ZNF267: variants seen among roughly 807,000 people sequenced by gnomAD.
ZNF267 encodes the protein zinc finger protein 267.
In ZNF267, 61 loss-of-function variants were observed where a neutral mutation model predicts 71.6. The ratio of observed to expected loss-of-function variants is 0.85; its 90% CI spans 0.69 to 1.05. ZNF267 has a LOEUF of 1.05. ZNF267 is among the 50% of genes least tolerant of loss of function. ZNF267 has a pLI of 0.00. For synonymous variants in ZNF267, 288 were observed against 293.2 expected (o/e 0.98, Z 0.18); for missense variants, 852 against 870.0 (o/e 0.98, Z 0.26).
intron 3 of ZNF267, among the ~76,000 whole-genome samples, chr16:31,909,064 CGTGTGT>C (rs58278411): frequency 2.9e-5 from 4 of 138,464 alleles, no homozygotes; most frequent in Admixed American, 7.5e-5. Context: ...GGATATTTTT[CGTGTGT>C]GTGTGTGTGT....
intron 3 of ZNF267, among the ~76,000 whole-genome samples, chr16:31,909,075 G>A (rs1470222842): frequency 8.9e-4 from 6 of 6,728 alleles, no homozygotes; most frequent in South Asian, 0.091. Context: ...GTGTGTGTGT[G>A]TGTGTGTGTG....
At chr16:31,903,103 A>G (rs2084055381) in intron 3 of ZNF267, among the ~76,000 whole-genome samples, 1 of 152,128 alleles carries the variant, frequency 6.6e-6, no homozygotes, top group Non-Finnish European at 1.5e-5. Context: ...TGAATTTCGT[A>G]TTTTGAACCA....
At chr16:31,889,546 A>C (rs1483572589) in intron 3 of ZNF267, among the ~76,000 whole-genome samples, 3 of 152,148 alleles carry the variant, frequency 2.0e-5, no homozygotes, top group Non-Finnish European at 4.4e-5. Context: ...TAATGTCAAC[A>C]CTGTATTAGT....
intron 1 of ZNF267, among the ~76,000 whole-genome samples, chr16:31,883,037 G>T (rs2083900526): frequency 6.6e-6 from 1 of 152,146 alleles, no homozygotes; most frequent in African/African-American, 2.4e-5. Flanking sequence ...AAGACTGGAA[G>T]TTCTGAAGCA....
At chr16:31,892,960 C>G (rs2083971569) in intron 3 of ZNF267, among the ~76,000 whole-genome samples, 1 of 152,230 alleles carries the variant, frequency 6.6e-6, no homozygotes, top group Non-Finnish European at 1.5e-5. Flanking sequence ...CTTCTCACAG[C>G]TCCACTAGGC....
rs897677852 is a variant in ZNF267, at chr16:31,914,923, T to G, written c.674T>G (p.Leu225Trp). 13 of 1,611,632 alleles carry G rather than the reference T, an allele frequency of 8.1e-6. No homozygotes were observed. The highest frequency in any genetic ancestry group is 1.1e-5 in the Non-Finnish European group (13 of 1,179,350). The change falls in exon 4 of 4, where the codon TTG becomes TGG. Residue 225 changes from leucine to tryptophan, a missense_variant. Leu to Trp is a moderately conservative substitution (Grantham distance 61). Transcript: ENST00000300870. ...CATTGCAATAATTCTGAAAAAACCT[T>G]GAACCAAAGCTCAAGCCCTAAAAAT... is the stretch of plus-strand genomic sequence containing the variant. ...NYHCNNSEKT[L>W]NQSSSPKNHQ...
chr16:31,889,020 AGT>A (rs2083942162), intron 3 of ZNF267, among the ~76,000 whole-genome samples: 1 of 151,614 alleles, frequency 6.6e-6, no homozygotes, highest in Non-Finnish European at 1.5e-5. Context: ...GTTTCTTCAC[AGT>A]GTGGTGTTCT....
intron 3 of ZNF267, among the ~76,000 whole-genome samples, chr16:31,906,097 C>T (rs376387442): frequency 6.6e-5 from 10 of 152,260 alleles, no homozygotes; most frequent in East Asian, 1.9e-4. Flanking sequence ...TGCTGAACAG[C>T]GGATATTGGT....
chr16:31,914,778 C>A lies in ZNF267; in HGVS notation c.529C>A (p.Gln177Lys). 6.2e-7 allele frequency: 1 copy of A among 1,613,396 alleles called. No individual in the cohort carries two copies. The highest frequency in any genetic ancestry group is 1.1e-5 in the South Asian group (1 of 90,778). ...CTTTACTCATTCATCATTGCTTAAT[C>A]AACAAGAGGAAATAGATATTTGGGG... is the stretch of plus-strand genomic sequence containing the variant. The part of the protein sequence containing the change: ...KVFTHSSLLN[Q>K]QEEIDIWGKH... The change falls in exon 4 of 4, where the codon CAA becomes AAA. Residue 177 changes from glutamine to lysine, a missense_variant. Physicochemically the swap from Gln to Lys is moderately conservative, Grantham distance 53 (BLOSUM62 1). Transcript: ENST00000300870.
At chr16:31,885,023 T>A in intron 2 of ZNF267, 138 bp from the exon 3 acceptor site, 1 of 561,828 alleles carries the variant, frequency 1.8e-6, no homozygotes, top group Non-Finnish European at 2.8e-6. Context: ...AAGAATCTTC[T>A]ATAATGTCTT....
chr16:31,907,081 TAA>T (rs2084097255), intron 3 of ZNF267, among the ~76,000 whole-genome samples: 2 of 152,162 alleles, frequency 1.3e-5, no homozygotes, highest in South Asian at 2.1e-4. Flanking sequence ...GATCATTTTA[TAA>T]GAGTGGCCTT....
chr16:31,911,542 CTA>C (rs2084135484), intron 3 of ZNF267, among the ~76,000 whole-genome samples: 3 of 151,164 alleles, frequency 2.0e-5, no homozygotes, highest in East Asian at 1.9e-4. Flanking sequence ...ATTTTTCAGT[CTA>C]TGTGTATCTT....
intron 1 of ZNF267, 88 bp from the exon 2 acceptor site, chr16:31,884,410 C>T: frequency 6.4e-7 from 1 of 1,566,542 alleles, no homozygotes; most frequent in Non-Finnish European, 8.7e-7. Flanking sequence ...TCATATATGT[C>T]AGAACCAATA....
chr16:31,886,346 C>T (rs1432202824), intron 3 of ZNF267, among the ~76,000 whole-genome samples: 2 of 152,110 alleles, frequency 1.3e-5, no homozygotes, highest in Non-Finnish European at 2.9e-5. Flanking sequence ...GTGAGGAATC[C>T]GATCACACAG....
chr16:31,899,071 A>C (rs1308005274), intron 3 of ZNF267, among the ~76,000 whole-genome samples: 5 of 152,222 alleles, frequency 3.3e-5, no homozygotes, highest in East Asian at 1.9e-4. Context: ...ACTTAGACTC[A>C]CACACAATAA....
chr16:31,888,082 C>T, intron 3 of ZNF267, among the ~76,000 whole-genome samples: 1 of 151,864 alleles, frequency 6.6e-6, no homozygotes, highest in East Asian at 1.9e-4. Flanking sequence ...AGATCTTTCA[C>T]TTCTTTTGTT....
chr16:31,878,953 T>A (rs970486377), intron 1 of ZNF267, among the ~76,000 whole-genome samples: 2 of 152,188 alleles, frequency 1.3e-5, no homozygotes, highest in Non-Finnish European at 2.9e-5. Flanking sequence ...CTTTTTTTTT[T>A]TCTTAAAGCA....
intron 1 of ZNF267, 137 bp downstream of exon 1, chr16:31,874,106 C>A: frequency 2.1e-6 from 2 of 950,522 alleles, no homozygotes; most frequent in Non-Finnish European, 3.2e-6. Context: ...TGGTGCAGCT[C>A]GGCCCTCGGT....
At chr16:31,899,613 A>T (rs969745006) in intron 3 of ZNF267, among the ~76,000 whole-genome samples, 1 of 152,226 alleles carries the variant, frequency 6.6e-6, no homozygotes, top group Non-Finnish European at 1.5e-5. Context: ...TAACATCACG[A>T]TTAAAAGAAC....
Sources: gnomAD v4.1 joint callset for allele counts (sites outside exome capture counted in the v4.1 genomes callset) on GRCh38, gnomAD v4.1.1 for gene constraint, MANE v1.5 for transcripts, NCBI Gene and HGNC (gene_info 2026-07-23, HGNC 2026-07-21) for gene names.